LCK: variants seen among roughly 807,000 people sequenced by gnomAD.
LCK encodes LCK proto-oncogene, Src family tyrosine kinase.
Under a neutral mutation model 64.6 loss-of-function variants are expected in LCK, and 14 were observed. The ratio of observed to expected loss-of-function variants is 0.22; its 90% CI spans 0.14 to 0.34. The LOEUF is 0.34. Among genes scored for constraint, LCK ranks in the 10% least tolerant of loss-of-function variants. The probability of loss-of-function intolerance (pLI) is 1.00; values close to 1 mark genes in which losing one functional copy is unlikely to be tolerated. For missense variants in LCK, 434 were observed against 668.1 expected (o/e 0.65, Z 3.86); for synonymous variants, 277 against 263.6 (o/e 1.05, Z -0.49).
intron 1 of LCK, among the ~76,000 whole-genome samples, chr1:32,262,669 C>T (rs1306943912): frequency 6.6e-6 from 1 of 151,638 alleles, no homozygotes; most frequent in Non-Finnish European, 1.5e-5. Context: ...AGGAGTCCTA[C>T]TGCCTCAGCC....
At chr1:32,263,042 G>A (rs1170754846) in intron 1 of LCK, among the ~76,000 whole-genome samples, 1 of 152,058 alleles carries the variant, frequency 6.6e-6, no homozygotes, top group Non-Finnish European at 1.5e-5. Context: ...GGCATGTAAT[G>A]TTCTCAGTCA....
chr1:32,280,702 G>C (rs1030483938), intron 12 of LCK, among the ~76,000 whole-genome samples: 2 of 151,978 alleles, frequency 1.3e-5, no homozygotes, highest in Non-Finnish European at 2.9e-5. Context: ...TGATTGGCCT[G>C]CCTCGGCCTC....
chr1:32,268,917 C>A (rs1372690922), intron 1 of LCK, among the ~76,000 whole-genome samples: 1 of 149,710 alleles, frequency 6.7e-6, no homozygotes, highest in African/African-American at 2.5e-5. Context: ...GTCAGGAGTT[C>A]GAGACCAGCC....
intron 12 of LCK, among the ~76,000 whole-genome samples, chr1:32,280,733 G>A (rs919372940): frequency 3.3e-5 from 5 of 151,990 alleles, no homozygotes; most frequent in Non-Finnish European, 5.9e-5. Flanking sequence ...GATTACAGGC[G>A]TGAGCCACCA....
At chr1:32,274,117 A>G (rs1640182915) in intron 1 of LCK, 1 of 1,111,962 alleles carries the variant, frequency 9.0e-7, no homozygotes, top group Non-Finnish European at 1.2e-6. Flanking sequence ...CCGTGTGTGA[A>G]TTTACTTGTA....
In LCK at chr1:32,252,475, CA is replaced by C. The variant is rs761391435; in HGVS notation, c.-6+1105del. On this transcript the variant is annotated intron_variant, in intron 1 of 12. Coordinates refer to ENST00000336890, the MANE Select transcript of LCK (RefSeq NM_005356.5). ...CCTGCTTCGTTGGAGTTTTTCTTGA[CA>C]CACACTTTCCGCCTAGTCAGCTGGT... Among the ~76,000 whole-genome samples, 102 of 152,352 alleles carry C rather than the reference CA, an allele frequency of 6.7e-4. 1 individual carries two copies. The Middle Eastern group carries it at 0.041, about 61-fold the overall frequency.
At chr1:32,278,996 C>T (rs867075815) in intron 9 of LCK, among the ~76,000 whole-genome samples, 2 of 152,144 alleles carry the variant, frequency 1.3e-5, no homozygotes, top group South Asian at 2.1e-4. Context: ...TTTCTTATTC[C>T]ATCCAATATA....
At chr1:32,265,082 C>T (rs960665795) in intron 1 of LCK, among the ~76,000 whole-genome samples, 5 of 151,946 alleles carry the variant, frequency 3.3e-5, no homozygotes, top group African/African-American at 1.2e-4. Flanking sequence ...CGGCACGTGC[C>T]TGTAATCCCA....
chr1:32,274,148 C>G, intron 1 of LCK, 177 bp from the exon 2 acceptor site: 1 of 1,348,786 alleles, frequency 7.4e-7, no homozygotes, highest in Non-Finnish European at 9.9e-7. Context: ...TCAGAGGGAG[C>G]ACCGGTTTGG....
rs1640607439 is a variant in LCK, at chr1:32,286,111, TGCCTG to T, written c.*403_*407del. The T allele has an allele frequency of 3.2e-6, 1 of 315,750 alleles. No individual in the cohort carries two copies. Among genetic ancestry groups the T allele is most frequent in the Non-Finnish European group, 6.0e-6 (1 of 166,648 alleles). 19.6% of individuals were successfully genotyped at this position (315,750 alleles called of 1,614,324 possible). ...AATACCTCTGTGTGCTCCTCCTTGG[TGCCTG>T]GCCTGGCACACATCAGGAGTTCAAT... On this transcript the variant is annotated 3_prime_UTR_variant, in exon 13 of 13. Transcript: ENST00000336890.
At chr1:32,255,905 G>T (rs1465697833) in intron 1 of LCK, among the ~76,000 whole-genome samples, 2 of 150,664 alleles carry the variant, frequency 1.3e-5, no homozygotes, top group Admixed American at 6.6e-5. Flanking sequence ...GGGCTTGAGT[G>T]GTTCTCCCAC....
In LCK at chr1:32,262,644, G is replaced by C. The variant is rs181022634; in HGVS notation, c.-6+11273G>C. ...TCACCATGTTGGTCAGGCTGCTCTCGAACTCCTGGGCTCAAGGAGTCCTAC... is the reference window on the plus strand; with the variant it reads ...TCACCATGTTGGTCAGGCTGCTCTCCAACTCCTGGGCTCAAGGAGTCCTAC... On this transcript the variant is annotated intron_variant, in intron 1 of 12. Transcript: ENST00000336890. 2.5e-3 allele frequency among the ~76,000 whole-genome samples: 378 copies of C among 150,812 alleles called. 1 individual carries two copies. Among genetic ancestry groups the C allele is most frequent in the African/African-American group, 9.0e-3 (370 of 41,134 alleles).
At chr1:32,258,142 G>C (rs1639672930) in intron 1 of LCK, among the ~76,000 whole-genome samples, 2 of 152,110 alleles carry the variant, frequency 1.3e-5, no homozygotes, top group South Asian at 4.1e-4. Flanking sequence ...AATTAACTGG[G>C]CTTGGTGGTG....
chr1:32,263,055 C>T (rs1028870103), intron 1 of LCK, among the ~76,000 whole-genome samples: 2 of 152,006 alleles, frequency 1.3e-5, no homozygotes, highest in Non-Finnish European at 2.9e-5. Context: ...CTCAGTCAAA[C>T]TTAAGGCTGC....
intron 1 of LCK, among the ~76,000 whole-genome samples, chr1:32,267,140 G>A (rs776110514): frequency 2.6e-5 from 4 of 151,706 alleles, no homozygotes; most frequent in Non-Finnish European, 5.9e-5. Context: ...CTTTACTGGG[G>A]GCTCTTGTTG....
intron 9 of LCK, among the ~76,000 whole-genome samples, chr1:32,277,909 C>A (rs1417699754): frequency 6.6e-6 from 1 of 152,190 alleles, no homozygotes; most frequent in African/African-American, 2.4e-5. Context: ...GGTGCTGTGG[C>A]TCAAGCCTAT....
At chr1:32,256,892 AT>A (rs1639645473) in intron 1 of LCK, among the ~76,000 whole-genome samples, 1 of 152,124 alleles carries the variant, frequency 6.6e-6, no homozygotes, top group African/African-American at 2.4e-5. Context: ...TTTCACTTCT[AT>A]TTATGTCTCA....
At chr1:32,258,819 A>C (rs370362584) in intron 1 of LCK, among the ~76,000 whole-genome samples, 19 of 151,090 alleles carry the variant, frequency 1.3e-4, no homozygotes, top group South Asian at 6.3e-4. Context: ...AAAAAAAAAA[A>C]AAAACCCAGC....
chr1:32,260,232 C>T (rs1341936405), intron 1 of LCK, among the ~76,000 whole-genome samples: 5 of 151,976 alleles, frequency 3.3e-5, no homozygotes, highest in Non-Finnish European at 7.4e-5. Flanking sequence ...AGAATGGTCT[C>T]GATCTCTTGA....
Sources: allele counts gnomAD v4.1 joint callset (sites outside exome capture counted in the v4.1 genomes callset), GRCh38; gene constraint gnomAD v4.1.1; transcripts MANE v1.5; gene names NCBI Gene and HGNC (gene_info 2026-07-23, HGNC 2026-07-21).